CCSER1: variants seen among roughly 807,000 people sequenced by gnomAD.
CCSER1 encodes the protein coiled-coil serine rich protein 1.
Under a neutral mutation model 82.0 loss-of-function variants are expected in CCSER1, and 41 were observed. The observed-to-expected ratio is 0.50, with a 90% CI of 0.39 to 0.65. The LOEUF (loss-of-function observed/expected upper bound fraction) is 0.65, where lower values mean the gene tolerates loss of function less well. CCSER1 is among the 30% of genes least tolerant of loss of function. The pLI, the probability that CCSER1 is intolerant of heterozygous loss-of-function variation, is 0.00. For missense variants in CCSER1, 1,119 were observed against 1,064.2 expected (o/e 1.05, Z -0.72); for synonymous variants, 414 against 383.9 (o/e 1.08, Z -0.92).
At chr4:90,723,835 T>A (rs56747368) in intron 6 of CCSER1, 79 bp from the exon 7 acceptor site, 15,310 of 581,338 alleles carry the variant, frequency 0.026, 667 homozygotes, top group African/African-American at 0.15. Context: ...TTTAATGATT[T>A]ATTTATTTTT....
At chr4:90,704,711 C>A (rs560064816) in intron 6 of CCSER1, among the ~76,000 whole-genome samples, 35 of 152,288 alleles carry the variant, frequency 2.3e-4, no homozygotes, top group African/African-American at 7.9e-4. Flanking sequence ...CTTCTCACTT[C>A]ATTTCATTCA....
chr4:91,513,804 T>G (rs769083634), intron 10 of CCSER1, among the ~76,000 whole-genome samples: 19 of 152,010 alleles, frequency 1.2e-4, no homozygotes, highest in Non-Finnish European at 2.2e-4. Flanking sequence ...GGATTGTTTG[T>G]AATGTTACCA....
At chr4:91,484,701 C>T (rs1036219768) in intron 10 of CCSER1, among the ~76,000 whole-genome samples, 1 of 152,078 alleles carries the variant, frequency 6.6e-6, no homozygotes, top group Non-Finnish European at 1.5e-5. Context: ...TTCAGTGATT[C>T]TCAAAGTGTG....
chr4:90,933,249 G>A (rs1475783610), intron 9 of CCSER1, among the ~76,000 whole-genome samples: 1 of 150,744 alleles, frequency 6.6e-6, no homozygotes, highest in Non-Finnish European at 1.5e-5. Flanking sequence ...GTGCGGAGGC[G>A]CGGTCTCGGC....
intron 4 of CCSER1, among the ~76,000 whole-genome samples, chr4:90,444,003 A>C (rs968045615): frequency 2.0e-5 from 3 of 152,016 alleles, no homozygotes; most frequent in African/African-American, 7.2e-5. Flanking sequence ...AATATTATGT[A>C]GGGTGTAGAA....
intron 4 of CCSER1, 85 bp from the exon 5 acceptor site, chr4:90,468,149 C>T: frequency 8.7e-7 from 1 of 1,150,902 alleles, no homozygotes; most frequent in Non-Finnish European, 1.2e-6. Flanking sequence ...TTTTATTAGA[C>T]TAAATATAGA....
At chr4:90,995,762 C>T (rs1275849061) in intron 9 of CCSER1, among the ~76,000 whole-genome samples, 2 of 152,024 alleles carry the variant, frequency 1.3e-5, no homozygotes, top group African/African-American at 4.8e-5. Context: ...AAACTATATG[C>T]TTTTCATTCC....
intron 3 of CCSER1, among the ~76,000 whole-genome samples, chr4:90,375,976 A>C (rs7656195): frequency 0.46 from 70,613 of 151,952 alleles, 16,673 homozygotes; most frequent in South Asian, 0.59. Flanking sequence ...TGGGGAGGAA[A>C]AACAGTTGTA....
chr4:91,541,524 A>G (rs1449393778), intron 10 of CCSER1, among the ~76,000 whole-genome samples: 4 of 152,170 alleles, frequency 2.6e-5, no homozygotes, highest in Non-Finnish European at 5.9e-5. Context: ...GATGGTTTCC[A>G]GCTTCATCCA....
chr4:90,194,904 T>C (rs554719532), intron 1 of CCSER1, among the ~76,000 whole-genome samples: 2 of 152,186 alleles, frequency 1.3e-5, no homozygotes, highest in East Asian at 3.9e-4. Context: ...AATATTTTCT[T>C]TGAAGTGTAT....
chr4:90,872,491 T>A (rs1173702572), intron 8 of CCSER1, among the ~76,000 whole-genome samples: 2 of 151,984 alleles, frequency 1.3e-5, no homozygotes, highest in East Asian at 3.9e-4. Flanking sequence ...CAATATAAAA[T>A]GAATAAAAAT....
At chr4:91,302,500 C>T (rs1047710926) in intron 10 of CCSER1, among the ~76,000 whole-genome samples, 1 of 151,904 alleles carries the variant, frequency 6.6e-6, no homozygotes, top group Non-Finnish European at 1.5e-5. Flanking sequence ...TGGTTTCCTC[C>T]AGATCAAATC....
At chr4:90,848,485 A>G (rs1452073253) in intron 8 of CCSER1, among the ~76,000 whole-genome samples, 1 of 152,136 alleles carries the variant, frequency 6.6e-6, no homozygotes, top group East Asian at 1.9e-4. Flanking sequence ...TTTTTCTCCA[A>G]GTCTGACAGT....
chr4:91,065,440 G>T (rs951988623), intron 9 of CCSER1, among the ~76,000 whole-genome samples: 1 of 151,908 alleles, frequency 6.6e-6, no homozygotes, highest in Non-Finnish European at 1.5e-5. Flanking sequence ...AATTATTTTT[G>T]ATATTCGATA....
chr4:90,563,556 A>C (rs1779030533), intron 5 of CCSER1, among the ~76,000 whole-genome samples: 1 of 151,784 alleles, frequency 6.6e-6, no homozygotes, highest in Non-Finnish European at 1.5e-5. Flanking sequence ...TCTGTGCCTG[A>C]CTCATTTCAT....
At chr4:91,359,062 C>T (rs924330342) in intron 10 of CCSER1, among the ~76,000 whole-genome samples, 3 of 152,124 alleles carry the variant, frequency 2.0e-5, no homozygotes, top group African/African-American at 7.2e-5. Context: ...AATCCGAGTT[C>T]CCCAAATGCA....
At position 90,551,706 on chromosome 4, in the gene CCSER1, C is replaced by CTCTCTA; in HGVS notation, c.1725-76318_1725-76317insCTCTAT. 6.7e-3 allele frequency among the ~76,000 whole-genome samples: 702 copies of CTCTCTA among 104,200 alleles called. 6 individuals carry two copies. Among genetic ancestry groups the CTCTCTA allele is most frequent in the African/African-American group, 0.015 (323 of 21,914 alleles). The allele number at this position is 104,200 out of a possible 152,430, so 68.4% of individuals were successfully genotyped here. On this transcript the variant is annotated intron_variant, in intron 5 of 10. Coordinates refer to ENST00000509176, the MANE Select transcript of CCSER1 (RefSeq NM_001145065.2). ...TCTCTCTCTCTCTCTCTCTCTCTCT[C>CTCTCTA]TATATATATATATATATATATGTAA...
chr4:90,890,460 A>C (rs542978696), intron 8 of CCSER1, among the ~76,000 whole-genome samples: 1 of 152,182 alleles, frequency 6.6e-6, no homozygotes, highest in East Asian at 1.9e-4. Context: ...CTAAGCAGCC[A>C]GTACCGGACT....
intron 10 of CCSER1, among the ~76,000 whole-genome samples, chr4:91,323,696 T>A (rs543298796): frequency 6.6e-6 from 1 of 152,318 alleles, no homozygotes; most frequent in Non-Finnish European, 1.5e-5. Flanking sequence ...AGTCTAAGTT[T>A]TCTTTTTGTC....
Sources: gnomAD v4.1 joint callset for allele counts (sites outside exome capture counted in the v4.1 genomes callset) on GRCh38, gnomAD v4.1.1 for gene constraint, MANE v1.5 for transcripts, NCBI Gene and HGNC (gene_info 2026-07-23, HGNC 2026-07-21) for gene names.